FOXA3: variants seen among roughly 807,000 people sequenced by gnomAD.
The protein encoded by FOXA3 is forkhead box A3, also known as hepatocyte nuclear factor 3-gamma.
Under a neutral mutation model 16.9 loss-of-function variants are expected in FOXA3, and 11 were observed. That is an observed-to-expected ratio of 0.65 (90% CI 0.41 to 1.08). FOXA3 has a LOEUF of 1.08. Among genes scored for constraint, FOXA3 ranks in the 50% least tolerant of loss-of-function variants. The pLI is 0.00. For missense variants in FOXA3, 423 were observed against 470.1 expected (o/e 0.90, Z 0.93); for synonymous variants, 217 against 203.3 (o/e 1.07, Z -0.57).
At chr19:45,868,389 G>C (rs1287228332) in intron 1 of FOXA3, among the ~76,000 whole-genome samples, 2 of 152,104 alleles carry the variant, frequency 1.3e-5, no homozygotes, top group African/African-American at 2.4e-5. Context: ...AGACTAGCCT[G>C]ACCAACATGG....
intron 1 of FOXA3, among the ~76,000 whole-genome samples, chr19:45,869,825 G>A (rs935442704): frequency 4.0e-5 from 6 of 150,436 alleles, no homozygotes; most frequent in African/African-American, 1.2e-4. Flanking sequence ...TTGCTCTGTC[G>A]CCCAGGCTGG....
In FOXA3 at chr19:45,870,383, C is replaced by T. The variant is rs60694100; in HGVS notation, c.70-1692C>T. ...AGAGACAGGGTTTCACCGTGTTAGC[C>T]AAGATGGTCTCGATCTCCTGACCTT... On this transcript the variant is annotated intron_variant, in intron 1 of 1. Transcript: ENST00000302177. Among the ~76,000 whole-genome samples, 906 of 151,336 alleles carry T rather than the reference C, an allele frequency of 6.0e-3. 8 individuals are homozygous for T. The highest frequency in any genetic ancestry group is 0.06 in the East Asian group (303 of 5,066).
In FOXA3 at chr19:45,872,134, G is replaced by A; in HGVS notation, c.129G>A (p.Leu43=). ...TMAPLNSYMT[L]NPLSSPYPPG... Reference sequence around the variant, plus strand: ...CCCCCCTCAACTCCTACATGACCCTGAATCCTCTAAGCTCTCCCTATCCCC... The same window carrying A: ...CCCCCCTCAACTCCTACATGACCCTAAATCCTCTAAGCTCTCCCTATCCCC... Residue 43 remains leucine, a synonymous_variant, in exon 2 of 2, where the codon CTG becomes CTA. Transcript: ENST00000302177. The surrounding 1 kb of genome is among the most constrained non-coding windows in gnomAD (Gnocchi z 4.5). 1 of 1,600,172 alleles carries A rather than the reference G, an allele frequency of 6.2e-7. No individual in the cohort carries two copies. Among genetic ancestry groups the A allele is most frequent in the African/African-American group, 1.3e-5 (1 of 74,510 alleles).
chr19:45,873,190 A>G lies in FOXA3; in HGVS notation c.*132A>G, dbSNP rs1966928078. ...GGTGGGTCTATTACTTACTGTGATG[A>G]CTGCTGTCTCAGTGGGCATGGTGTT... is the stretch of plus-strand genomic sequence containing the variant. On this transcript the variant is annotated 3_prime_UTR_variant, in exon 2 of 2. Transcript: ENST00000302177. The G allele has an allele frequency of 8.6e-6, 12 of 1,387,992 alleles. No individual in the cohort carries two copies. The highest frequency in any genetic ancestry group is 1.2e-5 in the Non-Finnish European group (12 of 1,021,122). 86.0% of individuals were successfully genotyped at this position (1,387,992 alleles called of 1,614,324 possible).
intron 1 of FOXA3, among the ~76,000 whole-genome samples, 192 bp from the exon 2 acceptor site, chr19:45,871,883 G>T (rs1966907604): frequency 6.6e-6 from 1 of 152,148 alleles, no homozygotes; most frequent in Admixed American, 6.5e-5. Flanking sequence ...GGGAAAGCAG[G>T]GGGCAGAAAG....
At chr19:45,867,434 T>TAGATAGAC (rs1235264931) in intron 1 of FOXA3, among the ~76,000 whole-genome samples, 1 of 150,714 alleles carries the variant, frequency 6.6e-6, no homozygotes, top group Non-Finnish European at 1.5e-5. Context: ...GATAGATAGA[T>TAGATAGAC]AGATAGATAG....
At chr19:45,864,571 G>A in intron 1 of FOXA3, 46 bp downstream of exon 1, 2 of 1,450,816 alleles carry the variant, frequency 1.4e-6, no homozygotes, top group Non-Finnish European at 1.8e-6. Flanking sequence ...GGCAGGTATC[G>A]GGGTGTGGGC....
chr19:45,872,153 T>C lies in FOXA3; in HGVS notation c.148T>C (p.Tyr50His), dbSNP rs1487166250. 6.3e-7 allele frequency: 1 copy of C among 1,592,190 alleles called. No individual in the cohort carries two copies. The highest frequency in any genetic ancestry group is 8.6e-7 in the Non-Finnish European group (1 of 1,169,402). Residue 50 changes from tyrosine to histidine, a missense_variant, in exon 2 of 2, where the codon TAT becomes CAT. Transcript: ENST00000302177. This position sits in a 1 kb window ranked among gnomAD's most constrained non-coding sequence, Gnocchi z 4.5. ...GACCCTGAATCCTCTAAGCTCTCCC[T>C]ATCCCCCTGGGGGGCTCCCTGCCTC... Reference protein sequence around the residue: ...YMTLNPLSSPYPPGGLPASPL... With the variant: ...YMTLNPLSSPHPPGGLPASPL...
intron 1 of FOXA3, among the ~76,000 whole-genome samples, chr19:45,867,088 G>T (rs752689052): frequency 4.6e-5 from 7 of 152,116 alleles, no homozygotes; most frequent in Non-Finnish European, 1.0e-4. Context: ...TAGGGCAGCT[G>T]GAGTGCTTGA....
chr19:45,868,285 C>A (rs1222267993), intron 1 of FOXA3, among the ~76,000 whole-genome samples: 1 of 152,028 alleles, frequency 6.6e-6, no homozygotes, highest in African/African-American at 2.4e-5. Context: ...CCTGCAGAAG[C>A]TTACAGTGGT....
rs1966931001 is a variant in FOXA3 at position 45,873,506 on chromosome 19, AC to A, written c.*449del. On this transcript the variant is annotated 3_prime_UTR_variant, in exon 2 of 2. Transcript: ENST00000302177. Reference sequence around the variant, plus strand: ...TTTGGCCCATTGGGTGCTTTGATGGACATCATACTGGGTAGGTGACAACGTC... The same window carrying A: ...TTTGGCCCATTGGGTGCTTTGATGGAATCATACTGGGTAGGTGACAACGTC... The A allele has an allele frequency of 4.7e-6, 1 of 213,614 alleles. No homozygotes were observed. The highest frequency in any genetic ancestry group is 9.5e-6 in the Non-Finnish European group (1 of 104,914). The allele number at this position is 213,614 out of a possible 1,614,324, so 13.2% of individuals were successfully genotyped here. A position where few individuals can be genotyped will look rare whatever the true frequency, so the allele number is the denominator to read the frequency against.
chr19:45,867,060 G>C (rs1972091051), intron 1 of FOXA3, among the ~76,000 whole-genome samples: 1 of 152,144 alleles, frequency 6.6e-6, no homozygotes, highest in Non-Finnish European at 1.5e-5. Flanking sequence ...CCGGGGCGTG[G>C]GAAAGCCTAG....
rs746885019 is a variant in FOXA3 at position 45,873,211 on chromosome 19, G to C, written c.*153G>C. On this transcript the variant is annotated 3_prime_UTR_variant, in exon 2 of 2. Coordinates refer to ENST00000302177, the MANE Select transcript of FOXA3 (RefSeq NM_004497.3). ...GATGACTGCTGTCTCAGTGGGCATG[G>C]TGTTGATCCACGGGGTACTGTGATA... 87 of 1,244,554 alleles carry C rather than the reference G, an allele frequency of 7.0e-5. No individual in the cohort carries two copies. Among genetic ancestry groups the C allele is most frequent in the Non-Finnish European group, 9.2e-5 (83 of 898,896 alleles). The allele number at this position is 1,244,554 out of a possible 1,614,324, so 77.1% of individuals were successfully genotyped here. A position where few individuals can be genotyped will look rare whatever the true frequency, so the allele number is the denominator to read the frequency against.
chr19:45,864,929 C>G (rs1216478601), intron 1 of FOXA3, among the ~76,000 whole-genome samples: 1 of 151,914 alleles, frequency 6.6e-6, no homozygotes, highest in Non-Finnish European at 1.5e-5. Context: ...GAAAGAAAGA[C>G]TAAAAGATGG....
rs941062455 is a variant in FOXA3, at chr19:45,873,242, C to A, written c.*184C>A. The A allele has an allele frequency of 5.3e-6, 5 of 939,628 alleles. No individual in the cohort carries two copies. The African/African-American group carries it at 8.3e-5, about 16-fold the overall frequency. 58.2% of individuals were successfully genotyped at this position (939,628 alleles called of 1,614,324 possible). A position where few individuals can be genotyped will look rare whatever the true frequency, so the allele number is the denominator to read the frequency against. On this transcript the variant is annotated 3_prime_UTR_variant, in exon 2 of 2. Coordinates refer to ENST00000302177, the MANE Select transcript of FOXA3 (RefSeq NM_004497.3). ...ATCCACGGGGTACTGTGATAACCAC[C>A]ATGGATACATTTTGGTGGCCCACTG...
At position 45,868,538 on chromosome 19, in the gene FOXA3, C is replaced by T. The variant is rs1972106590; in HGVS notation, c.70-3537C>T. Among the ~76,000 whole-genome samples the T allele has an allele frequency of 1.3e-5, 2 of 150,434 alleles. 1 individual carries two copies. The highest frequency in any genetic ancestry group is 4.2e-4 in the South Asian group (2 of 4,756). On this transcript the variant is annotated intron_variant, in intron 1 of 1. Transcript: ENST00000302177. Reference sequence around the variant, plus strand: ...GAAGTTGCAGTGAGCTGAGATTGCACCACTGCACTCCAGCCTGGGCGATAC... The same window carrying T: ...GAAGTTGCAGTGAGCTGAGATTGCATCACTGCACTCCAGCCTGGGCGATAC...
chr19:45,869,220 G>A (rs1481037925), intron 1 of FOXA3, among the ~76,000 whole-genome samples: 8 of 151,486 alleles, frequency 5.3e-5, no homozygotes, highest in African/African-American at 1.5e-4. Context: ...GATTACAGGC[G>A]TGAGCCACCG....
chr19:45,872,754 C>G lies in FOXA3; in HGVS notation c.749C>G (p.Pro250Arg), dbSNP rs750062748. The G allele has an allele frequency of 6.2e-7, 1 of 1,604,994 alleles. No homozygotes were observed. The highest frequency in any genetic ancestry group is 8.5e-7 in the Non-Finnish European group (1 of 1,176,580). The change falls in exon 2 of 2, where the codon CCG becomes CGG. Residue 250 changes from proline to arginine, a missense_variant. By Grantham distance (103) the Pro-to-Arg change is moderately radical. Coordinates refer to ENST00000302177, the MANE Select transcript of FOXA3 (RefSeq NM_004497.3). This position sits in a 1 kb window ranked among gnomAD's most constrained non-coding sequence, Gnocchi z 4.5. ...ACCCCCGCGGCCACAGTCACCTCCC[C>G]GCCCCAGCCCCCGCCTCCAGCCCCT... ...TTTPAATVTS[P>R]PQPPPPAPEP...
At chr19:45,865,029 G>A (rs570170620) in intron 1 of FOXA3, among the ~76,000 whole-genome samples, 1 of 152,230 alleles carries the variant, frequency 6.6e-6, no homozygotes, top group Admixed American at 6.5e-5. Context: ...CTAAGGATCA[G>A]CTGGTAATCT....
Sources: allele counts gnomAD v4.1 joint callset (sites outside exome capture counted in the v4.1 genomes callset), GRCh38; gene constraint gnomAD v4.1.1; non-coding constraint Gnocchi (gnomAD v3.1); transcripts MANE v1.5; gene names NCBI Gene and HGNC (gene_info 2026-07-23, HGNC 2026-07-21).